Variants in OLFM3 observed in about 807,000 individuals in gnomAD.
OLFM3 encodes olfactomedin 3.
OLFM3 carries 20 observed loss-of-function variants against 48.6 expected under a neutral mutation model. The ratio of observed to expected loss-of-function variants is 0.41; its 90% CI spans 0.29 to 0.60. OLFM3 has a LOEUF of 0.60. Among genes scored for constraint, OLFM3 ranks in the 20% least tolerant of loss-of-function variants. The pLI is 0.28. For synonymous variants in OLFM3, 222 were observed against 198.1 expected (o/e 1.12, Z -1.01); for missense variants, 437 against 544.3 (o/e 0.80, Z 1.96).
At chr1:101,909,937 T>C in intron 1 of OLFM3, 1 of 983,870 alleles carries the variant, frequency 1.0e-6, no homozygotes, top group Non-Finnish European at 1.2e-6. Flanking sequence ...CCAGGTAAAC[T>C]ATAGACTCAT....
At chr1:101,906,614 A>G (rs899870011) in intron 1 of OLFM3, among the ~76,000 whole-genome samples, 1 of 152,194 alleles carries the variant, frequency 6.6e-6, no homozygotes, top group Non-Finnish European at 1.5e-5. Context: ...CAATAAAACC[A>G]TGGAAGAACC....
At chr1:101,853,237 TCA>T (rs1656291543) in intron 1 of OLFM3, among the ~76,000 whole-genome samples, 1 of 152,072 alleles carries the variant, frequency 6.6e-6, no homozygotes, top group South Asian at 2.1e-4. Context: ...TGGCTGTTTC[TCA>T]GAGATGCAAG....
chr1:101,948,932 C>CA (rs1049318410), intron 1 of OLFM3, among the ~76,000 whole-genome samples: 1 of 149,320 alleles, frequency 6.7e-6, no homozygotes, highest in Non-Finnish European at 1.5e-5. Context: ...AAAACAACAA[C>CA]AAAAAACAAA....
intron 1 of OLFM3, among the ~76,000 whole-genome samples, chr1:101,887,903 A>G (rs1349753670): frequency 6.6e-6 from 1 of 152,118 alleles, no homozygotes; most frequent in Non-Finnish European, 1.5e-5. Context: ...ATAAATGCCA[A>G]TCAATAAGAA....
At chr1:101,931,735 G>A (rs183158155) in intron 1 of OLFM3, among the ~76,000 whole-genome samples, 1 of 152,334 alleles carries the variant, frequency 6.6e-6, no homozygotes, top group Admixed American at 6.5e-5. Flanking sequence ...CAATATAGCT[G>A]TGGGGAGCTC....
chr1:101,899,071 T>G (rs1049656629), intron 1 of OLFM3, among the ~76,000 whole-genome samples: 3 of 152,172 alleles, frequency 2.0e-5, no homozygotes, highest in African/African-American at 7.2e-5. Context: ...ACAGTTTCCG[T>G]GCCAGGAATC....
rs537209166 is a variant in OLFM3, at chr1:101,809,456, C to A, written c.593-3274G>T. Among the ~76,000 whole-genome samples the A allele has an allele frequency of 1.1e-3, 161 of 151,800 alleles. 1 individual carries two copies. The highest frequency in any genetic ancestry group is 6.8e-3 in the Middle Eastern group (2 of 294). ...ATTTAGGAAGAAAATCAGAGGAAAA[C>A]AGAATAAAGATATTTTTTAACATGT... On this transcript the variant is annotated intron_variant, in intron 4 of 5. Coordinates refer to ENST00000370103, the MANE Select transcript of OLFM3 (RefSeq NM_058170.4).
At chr1:101,925,639 C>T (rs1659248497) in intron 1 of OLFM3, among the ~76,000 whole-genome samples, 1 of 152,064 alleles carries the variant, frequency 6.6e-6, no homozygotes, top group South Asian at 2.1e-4. Flanking sequence ...CTGCTTCAGC[C>T]TCTTGAGTAG....
At chr1:101,839,953 GA>G (rs1289294464) in intron 1 of OLFM3, among the ~76,000 whole-genome samples, 1 of 152,128 alleles carries the variant, frequency 6.6e-6, no homozygotes, top group African/African-American at 2.4e-5. Context: ...CTCAAAAGAG[GA>G]AAAAACCTAA....
chr1:101,836,201 G>C (rs1655392850), intron 2 of OLFM3, among the ~76,000 whole-genome samples: 1 of 152,166 alleles, frequency 6.6e-6, no homozygotes, highest in Admixed American at 6.5e-5. Context: ...TTAGAGCCCA[G>C]CACAGTGAAA....
intron 1 of OLFM3, among the ~76,000 whole-genome samples, chr1:101,839,794 T>G (rs1357365293): frequency 3.9e-5 from 6 of 152,192 alleles, no homozygotes; most frequent in African/African-American, 1.4e-4. Context: ...GAAGTGTCAG[T>G]TCAATAAAAC....
At chr1:101,974,810 C>A (rs991376609) in intron 1 of OLFM3, among the ~76,000 whole-genome samples, 2 of 152,040 alleles carry the variant, frequency 1.3e-5, no homozygotes, top group Admixed American at 6.6e-5. Context: ...ACAGTATAAG[C>A]CCCATGTAGT....
chr1:101,828,058 C>CTCTCTG (rs1553170833), intron 3 of OLFM3, among the ~76,000 whole-genome samples: 1 of 122,320 alleles, frequency 8.2e-6, no homozygotes, highest in Non-Finnish European at 1.8e-5. Flanking sequence ...CTGTCTCTCT[C>CTCTCTG]TCTCTCTGTC....
At chr1:101,847,894 G>T (rs1656075014) in intron 1 of OLFM3, among the ~76,000 whole-genome samples, 1 of 152,032 alleles carries the variant, frequency 6.6e-6, no homozygotes, top group Non-Finnish European at 1.5e-5. Context: ...TCTAGTATTT[G>T]TTCTCCTCTA....
rs538958009 is a variant in OLFM3, at chr1:101,832,896, A to T, written c.217-2069T>A. ...ACAAAATTACTAAGACAACATTGGA[A>T]GCATGGTAACGCCATTGTGGATAAA... On this transcript the variant is annotated intron_variant, in intron 2 of 5. Coordinates refer to ENST00000370103, the MANE Select transcript of OLFM3 (RefSeq NM_058170.4). Among the ~76,000 whole-genome samples the T allele has an allele frequency of 2.0e-5, 3 of 152,348 alleles. No homozygotes were observed. The South Asian group carries it at 6.2e-4, about 32-fold the overall frequency.
chr1:101,825,604 C>T (rs1654823602), intron 3 of OLFM3, among the ~76,000 whole-genome samples: 1 of 152,114 alleles, frequency 6.6e-6, no homozygotes, highest in South Asian at 2.1e-4. Context: ...GAAATATAAG[C>T]AGAATCCATC....
intron 1 of OLFM3, among the ~76,000 whole-genome samples, chr1:101,991,677 T>C (rs1661416895): frequency 6.6e-6 from 1 of 150,856 alleles, no homozygotes; most frequent in Non-Finnish European, 1.5e-5. Context: ...TTAAATAAAA[T>C]ACTTATGGCT....
intron 4 of OLFM3, among the ~76,000 whole-genome samples, chr1:101,818,967 A>C (rs548806386): frequency 6.6e-6 from 1 of 152,142 alleles, no homozygotes; most frequent in Non-Finnish European, 1.5e-5. Flanking sequence ...CAAGACATTG[A>C]TTCTGATCTC....
intron 1 of OLFM3, among the ~76,000 whole-genome samples, chr1:101,947,370 T>C: frequency 6.6e-6 from 1 of 152,198 alleles, no homozygotes; most frequent in Middle Eastern, 3.2e-3. Context: ...GTAATTATAG[T>C]TGAAGAGTAT....
Sources: gnomAD v4.1 joint callset for allele counts (sites outside exome capture counted in the v4.1 genomes callset) on GRCh38, gnomAD v4.1.1 for gene constraint, MANE v1.5 for transcripts, NCBI Gene and HGNC (gene_info 2026-07-23, HGNC 2026-07-21) for gene names.